Variants in CFAP20DC observed in about 807,000 individuals in gnomAD.
The protein encoded by CFAP20DC is CFAP20 domain containing.
In CFAP20DC, 84 loss-of-function variants were observed where a neutral mutation model predicts 101.7. The observed-to-expected ratio is 0.83, with a 90% CI of 0.69 to 0.99. The LOEUF is 0.99. Ranked by LOEUF, CFAP20DC falls within the 50% of genes least tolerant of loss-of-function variation. CFAP20DC has a pLI of 0.00. For synonymous variants in CFAP20DC, 359 were observed against 351.2 expected (o/e 1.02, Z -0.25); for missense variants, 1,007 against 970.3 (o/e 1.04, Z -0.50).
In CFAP20DC at chr3:58,867,818, G is replaced by T. The variant is rs546596755; in HGVS notation, c.1134C>A (p.Ser378Arg). The part of the protein sequence containing the change: ...STSRERTETP[S>R]GSSSGNNRIE... ...GATAGGATTGAAATAGTGCCATACC[G>T]CTGGGTGTCTCTGTCCTTTCTCTGC... The change falls in exon 10 of 17, where the codon AGC becomes AGA. Residue 378 changes from serine (S) to arginine (R), a missense_variant and splice_region_variant. Ser to Arg is a moderately radical substitution (Grantham distance 110, BLOSUM62 -1). Coordinates refer to ENST00000482387, the MANE Select transcript of CFAP20DC (RefSeq NM_001394063.1). 2 of 1,613,302 alleles carry T rather than the reference G, an allele frequency of 1.2e-6. No homozygotes were observed. Among genetic ancestry groups the T allele is most frequent in the Non-Finnish European group, 1.7e-6 (2 of 1,179,418 alleles).
chr3:58,934,930 A>G (rs570462043), intron 5 of CFAP20DC, among the ~76,000 whole-genome samples: 6 of 152,328 alleles, frequency 3.9e-5, no homozygotes, highest in African/African-American at 1.4e-4. Flanking sequence ...CAGGGCAATT[A>G]GGCAGGAGAA....
intron 14 of CFAP20DC, among the ~76,000 whole-genome samples, chr3:58,831,045 T>G (rs1188973889): frequency 6.6e-6 from 1 of 152,224 alleles, no homozygotes; most frequent in African/African-American, 2.4e-5. Flanking sequence ...TGTGGAAGCT[T>G]GGACCCAGGC....
chr3:58,821,456 C>G (rs1253262572), intron 14 of CFAP20DC, among the ~76,000 whole-genome samples: 1 of 147,508 alleles, frequency 6.8e-6, no homozygotes, highest in Admixed American at 6.8e-5. Flanking sequence ...AAGAAAAAAA[C>G]AAACAACCCC....
intron 12 of CFAP20DC, among the ~76,000 whole-genome samples, chr3:58,855,668 AGTTCATGTCCTTT>A (rs2078717446): frequency 1.3e-5 from 2 of 152,242 alleles, no homozygotes; most frequent in South Asian, 2.1e-4. Context: ...AAAAATGATG[AGTTCATGTCCTTT>A]GTAGGGACAT....
Position 58,869,317 on chromosome 3 carries a change from T to C in CFAP20DC, c.1015+11A>G. 1.9e-6 allele frequency: 3 copies of C among 1,602,480 alleles called. No individual in the cohort carries two copies. The highest frequency in any genetic ancestry group is 2.6e-6 in the Non-Finnish European group (3 of 1,172,580). On this transcript the variant is annotated intron_variant, in intron 9 of 16. Coordinates refer to ENST00000482387, the MANE Select transcript of CFAP20DC (RefSeq NM_001394063.1). The surrounding 1 kb of genome is among the most constrained non-coding windows in gnomAD (Gnocchi z 4.3). ...ACTAGCTATCAATCTTTATGCATGA[T>C]TATTTCTTACCATGAATAGGTACAG...
At chr3:58,928,906 T>C (rs1210453918) in intron 5 of CFAP20DC, among the ~76,000 whole-genome samples, 1 of 152,230 alleles carries the variant, frequency 6.6e-6, no homozygotes, top group African/African-American at 2.4e-5. Flanking sequence ...TTTATCTTTC[T>C]TGCCTATATC....
In CFAP20DC at chr3:58,894,294, A is replaced by C. The variant is rs1052402040; in HGVS notation, c.551-9585T>G. Among the ~76,000 whole-genome samples, 2 of 152,210 alleles carry C rather than the reference A, an allele frequency of 1.3e-5. No individual in the cohort carries two copies. Among genetic ancestry groups the C allele is most frequent in the Non-Finnish European group, 2.9e-5 (2 of 68,036 alleles). ...TACAGTCCAAAGTCTCTTCTGAGAC[A>C]AGGCAAGTCCCTTCTGCCTATGAGC... On this transcript the variant is annotated intron_variant, in intron 6 of 16. Transcript: ENST00000482387. This position sits in a 1 kb window ranked among gnomAD's most constrained non-coding sequence, Gnocchi z 4.1.
Position 59,007,212 on chromosome 3 carries a change from A to C in CFAP20DC, c.278+32345T>G, listed in dbSNP as rs1425582124. On this transcript the variant is annotated intron_variant, in intron 4 of 16. Coordinates refer to ENST00000482387, the MANE Select transcript of CFAP20DC (RefSeq NM_001394063.1). This position sits in a 1 kb window ranked among gnomAD's most constrained non-coding sequence, Gnocchi z 4.4. ...CCCCGCCCCAGGAGAGTCTGAGCTC[A>C]TACTCACCTAATCCTGCCCCCATCT... 2.6e-5 allele frequency among the ~76,000 whole-genome samples: 4 copies of C among 152,058 alleles called. No homozygotes were observed. The highest frequency in any genetic ancestry group is 4.1e-4 in the South Asian group (2 of 4,820).
At chr3:58,723,956 T>A (rs1177481453) in intron 3 of CFAP20DC, among the ~76,000 whole-genome samples, 1 of 152,222 alleles carries the variant, frequency 6.6e-6, no homozygotes, top group Non-Finnish European at 1.5e-5. Flanking sequence ...TAGGCGCACA[T>A]TTTTTGTTGT....
At chr3:58,761,440 G>T (rs917094942) in intron 15 of CFAP20DC, among the ~76,000 whole-genome samples, 1 of 152,014 alleles carries the variant, frequency 6.6e-6, no homozygotes, top group African/African-American at 2.4e-5. Flanking sequence ...TTCTTTATTA[G>T]TCTTGCTAGT....
At chr3:58,817,134 A>G (rs1346517000) in intron 14 of CFAP20DC, among the ~76,000 whole-genome samples, 4 of 151,910 alleles carry the variant, frequency 2.6e-5, no homozygotes, top group Non-Finnish European at 4.4e-5. Context: ...CCGAAAACCC[A>G]TCTGTACATC....
At chr3:59,005,395 C>T (rs1350696230) in intron 4 of CFAP20DC, among the ~76,000 whole-genome samples, 1 of 152,192 alleles carries the variant, frequency 6.6e-6, no homozygotes, top group Non-Finnish European at 1.5e-5. Context: ...AAGCTACTGA[C>T]TCTTGGAGTA....
At chr3:58,851,761 T>A (rs2108332103) in intron 12 of CFAP20DC, among the ~76,000 whole-genome samples, 1 of 152,118 alleles carries the variant, frequency 6.6e-6, no homozygotes, top group East Asian at 1.9e-4. Context: ...AAAACATGCC[T>A]CTTAAAGATT....
intron 14 of CFAP20DC, among the ~76,000 whole-genome samples, chr3:58,814,137 C>G (rs2074915919): frequency 6.6e-6 from 1 of 151,798 alleles, no homozygotes; most frequent in African/African-American, 2.4e-5. Flanking sequence ...ATTTCCATGA[C>G]TCTCTAAGCA....
At chr3:58,810,322 A>C (rs1273794965) in intron 14 of CFAP20DC, among the ~76,000 whole-genome samples, 1 of 152,130 alleles carries the variant, frequency 6.6e-6, no homozygotes, top group Non-Finnish European at 1.5e-5. Flanking sequence ...CTGGCAAACC[A>C]AATCCAGCAG....
intron 12 of CFAP20DC, among the ~76,000 whole-genome samples, chr3:58,850,556 C>A (rs1219599739): frequency 6.7e-6 from 1 of 150,004 alleles, no homozygotes; most frequent in African/African-American, 2.4e-5. Flanking sequence ...CCATTGCACC[C>A]CAGCCTGGGC....
At chr3:58,733,708 A>G (rs2067691801) in intron 3 of CFAP20DC, among the ~76,000 whole-genome samples, 2 of 152,246 alleles carry the variant, frequency 1.3e-5, no homozygotes, top group Admixed American at 6.5e-5. Flanking sequence ...TACTAAATAA[A>G]TACAGCTTCA....
At position 58,808,636 on chromosome 3, in the gene CFAP20DC, C is replaced by T. The variant is rs373299630; in HGVS notation, c.2176-2180G>A. Among the ~76,000 whole-genome samples, 16 of 152,294 alleles carry T rather than the reference C, an allele frequency of 1.1e-4. No homozygotes were observed. In the East Asian group the frequency reaches 3.1e-3, roughly 29 times the overall value. On this transcript the variant is annotated intron_variant, in intron 14 of 16. Coordinates refer to ENST00000482387, the MANE Select transcript of CFAP20DC (RefSeq NM_001394063.1). ...TGCCAAATTGTAAAGACCATCGAGGCTAGGAAGAAACTCCATCAACTAATG... is the reference window on the plus strand; with the variant it reads ...TGCCAAATTGTAAAGACCATCGAGGTTAGGAAGAAACTCCATCAACTAATG...
chr3:58,774,295 T>C (rs908166577), intron 15 of CFAP20DC, among the ~76,000 whole-genome samples: 8 of 152,192 alleles, frequency 5.3e-5, no homozygotes, highest in Non-Finnish European at 8.8e-5. Context: ...AAGTGTGACA[T>C]TGTAGTGCCA....
Sources: allele counts gnomAD v4.1 joint callset (sites outside exome capture counted in the v4.1 genomes callset), GRCh38; gene constraint gnomAD v4.1.1; non-coding constraint Gnocchi (gnomAD v3.1); transcripts MANE v1.5; gene names NCBI Gene and HGNC (gene_info 2026-07-23, HGNC 2026-07-21).